NFE2L3: variants seen among roughly 807,000 people sequenced by gnomAD.
The protein encoded by NFE2L3 is nuclear factor erythroid 2-related factor 3.
A neutral mutation model predicts 23.5 loss-of-function variants in NFE2L3; 18 were observed. The observed-to-expected ratio is 0.77, with a 90% CI of 0.53 to 1.13. NFE2L3 has a LOEUF of 1.13. Ranked by LOEUF, NFE2L3 falls within the 50% of genes most tolerant of loss-of-function variation. NFE2L3 has a pLI of 0.00. For missense variants in NFE2L3, 1,152 were observed against 877.2 expected (o/e 1.31, Z -3.96); for synonymous variants, 424 against 354.5 (o/e 1.20, Z -2.20).
At chr7:26,182,846 T>C (rs576549284) in intron 2 of NFE2L3, among the ~76,000 whole-genome samples, 1 of 151,958 alleles carries the variant, frequency 6.6e-6, no homozygotes, top group African/African-American at 2.4e-5. Flanking sequence ...TAGGCTGGAG[T>C]GTGGCAGCGC....
chr7:26,184,029 A>G (rs574837535), intron 3 of NFE2L3: 6 of 500,158 alleles, frequency 1.2e-5, no homozygotes, highest in African/African-American at 9.8e-5. Context: ...AACTAAAAGA[A>G]TTATCAGGTA....
chr7:26,152,908 G>C lies in NFE2L3; in HGVS notation c.410G>C (p.Gly137Ala), dbSNP rs1230921707. 3 of 1,446,614 alleles carry C rather than the reference G, an allele frequency of 2.1e-6. No individual in the cohort carries two copies. The highest frequency in any genetic ancestry group is 2.9e-5 in the Admixed American group (1 of 34,698). The allele number at this position is 1,446,614 out of a possible 1,614,324, so 89.6% of individuals were successfully genotyped here. The change falls in exon 1 of 4, where the codon GGA becomes GCA. Residue 137 changes from glycine (G) to alanine (A), a missense_variant. Gly to Ala is a moderately conservative substitution (Grantham distance 60). Coordinates refer to ENST00000056233, the MANE Select transcript of NFE2L3 (RefSeq NM_004289.7). This position sits in a 1 kb window ranked among gnomAD's most constrained non-coding sequence, Gnocchi z 4.4. ...GGCGCCGCCGCCGCCTCGTCCACCG[G>C]AGGAGCCGGCGCCAGCGTGGACGGC... Reference protein sequence around the residue: ...LLGAAAASSTGGAGASVDGGS... With the variant: ...LLGAAAASSTAGAGASVDGGS...
At chr7:26,164,346 A>G (rs1035749654) in intron 1 of NFE2L3, among the ~76,000 whole-genome samples, 2 of 152,212 alleles carry the variant, frequency 1.3e-5, no homozygotes, top group African/African-American at 2.4e-5. Context: ...AATGATCGCC[A>G]TTCTAACTGG....
intron 1 of NFE2L3, among the ~76,000 whole-genome samples, chr7:26,155,567 T>A (rs1028877436): frequency 3.4e-5 from 5 of 147,136 alleles, no homozygotes; most frequent in Admixed American, 1.3e-4. Context: ...ACTGGCACAT[T>A]AATTAAGTAC....
In NFE2L3 at chr7:26,152,793, G is replaced by A; in HGVS notation, c.295G>A (p.Gly99Arg). 2 of 1,486,018 alleles carry A rather than the reference G, an allele frequency of 1.3e-6. No homozygotes were observed. Among genetic ancestry groups the A allele is most frequent in the East Asian group, 2.9e-5 (1 of 34,662 alleles). The allele number at this position is 1,486,018 out of a possible 1,614,324, so 92.1% of individuals were successfully genotyped here. A position where few individuals can be genotyped will look rare whatever the true frequency, so the allele number is the denominator to read the frequency against. The change falls in exon 1 of 4, where the codon GGG (glycine) becomes AGG (arginine). Residue 99 changes from glycine to arginine, a missense_variant. Gly to Arg is a moderately radical substitution (Grantham distance 125, BLOSUM62 -2). Transcript: ENST00000056233. This position sits in a 1 kb window ranked among gnomAD's most constrained non-coding sequence, Gnocchi z 4.4. ...GCTGCTCCGGGAGGTGCGCGCGCTC[G>A]GGGTCCCCTTCGTCCCTCGCACCAG... is the stretch of plus-strand genomic sequence containing the variant. ...GQLLREVRAL[G>R]VPFVPRTSVD...
intron 3 of NFE2L3, 93 bp downstream of exon 3, chr7:26,183,877 A>G: frequency 1.2e-6 from 1 of 813,942 alleles, no homozygotes; most frequent in Non-Finnish European, 2.1e-6. Flanking sequence ...ATGACACAGC[A>G]GTTTAAAGTA....
chr7:26,157,193 T>G (rs1784094871), intron 1 of NFE2L3, among the ~76,000 whole-genome samples: 1 of 152,150 alleles, frequency 6.6e-6, no homozygotes, highest in Non-Finnish European at 1.5e-5. Flanking sequence ...TATTTAATTT[T>G]TTTTGGGACA....
chr7:26,173,130 A>C (rs1053548807), intron 1 of NFE2L3, among the ~76,000 whole-genome samples: 10 of 152,046 alleles, frequency 6.6e-5, no homozygotes. Context: ...ATTATACCTA[A>C]TTTTGGCTTC....
In NFE2L3 at chr7:26,152,813, C is replaced by T; in HGVS notation, c.315C>T (p.Arg105=). ...CGCTCGGGGTCCCCTTCGTCCCTCG[C>T]ACCAGCGTGGATGCATGGCTGGTGC... ...VRALGVPFVP[R]TSVDAWLVHS... The change falls in exon 1 of 4, where the codon CGC becomes CGT. Residue 105 remains arginine, a synonymous_variant. Coordinates refer to ENST00000056233, the MANE Select transcript of NFE2L3 (RefSeq NM_004289.7). The surrounding 1 kb of genome is among the most constrained non-coding windows in gnomAD (Gnocchi z 4.4). 1 of 1,487,766 alleles carries T rather than the reference C, an allele frequency of 6.7e-7. No individual in the cohort carries two copies. Among genetic ancestry groups the T allele is most frequent in the Non-Finnish European group, 8.9e-7 (1 of 1,126,766 alleles). 92.2% of individuals were successfully genotyped at this position (1,487,766 alleles called of 1,614,324 possible).
At chr7:26,177,718 G>T (rs917195370) in intron 1 of NFE2L3, among the ~76,000 whole-genome samples, 1 of 152,176 alleles carries the variant, frequency 6.6e-6, no homozygotes, top group African/African-American at 2.4e-5. Flanking sequence ...AAATTCAGGG[G>T]CTTTATAAGT....
At position 26,183,878 on chromosome 7, in the gene NFE2L3, G is replaced by C. The variant is rs1021609934; in HGVS notation, c.834+94G>C. The C allele has an allele frequency of 8.6e-6, 7 of 812,362 alleles. No individual in the cohort carries two copies. In the Middle Eastern group the frequency reaches 1.1e-3, roughly 133 times the overall value. 50.3% of individuals were successfully genotyped at this position (812,362 alleles called of 1,614,324 possible). A position where few individuals can be genotyped will look rare whatever the true frequency, so the allele number is the denominator to read the frequency against. ...ACTCCTTTACTTGGATGACACAGCAGTTTAAAGTAATGCTTATTTTTACAG... is the reference window on the plus strand; with the variant it reads ...ACTCCTTTACTTGGATGACACAGCACTTTAAAGTAATGCTTATTTTTACAG... On this transcript the variant is annotated intron_variant, in intron 3 of 3. Coordinates refer to ENST00000056233, the MANE Select transcript of NFE2L3 (RefSeq NM_004289.7).
chr7:26,175,254 G>A (rs916157425), intron 1 of NFE2L3, among the ~76,000 whole-genome samples: 1 of 152,034 alleles, frequency 6.6e-6, no homozygotes, highest in Non-Finnish European at 1.5e-5. Flanking sequence ...CAGCTACTTG[G>A]GAGGCTGAGG....
At position 26,185,528 on chromosome 7, in the gene NFE2L3, A is replaced by G; in HGVS notation, c.1830A>G (p.Val610=). The change falls in exon 4 of 4, where the codon GTA becomes GTG. Residue 610 remains valine (V), a synonymous_variant. Coordinates refer to ENST00000056233, the MANE Select transcript of NFE2L3 (RefSeq NM_004289.7). The part of the protein sequence containing the change: ...LDIILNLEDD[V]CNLQAKKETL... ...TAATTTTGAATTTAGAAGATGATGT[A>G]TGTAACTTGCAAGCAAAGAAGGAAA... The G allele has an allele frequency of 6.2e-7, 1 of 1,613,918 alleles. No homozygotes were observed.
rs1346727089 is a variant in NFE2L3 at position 26,185,900 on chromosome 7, A to G, written c.*117A>G. The G allele has an allele frequency of 2.2e-5, 19 of 848,868 alleles. No individual in the cohort carries two copies. The highest frequency in any genetic ancestry group is 5.4e-5 in the East Asian group (2 of 36,892). 52.6% of individuals were successfully genotyped at this position (848,868 alleles called of 1,614,324 possible). A position where few individuals can be genotyped will look rare whatever the true frequency, so the allele number is the denominator to read the frequency against. On this transcript the variant is annotated 3_prime_UTR_variant, in exon 4 of 4. Transcript: ENST00000056233. ...TGTATCTTTAAGTACTGCTACTTGA[A>G]TAACTCAGTTAACGCTGTTTTGAAG...
Position 26,184,575 on chromosome 7 carries a change from GATGGCATGAATTCTTCA to G in NFE2L3, c.878_894del (p.Asp293GlyfsTer19). On this transcript the variant is annotated frameshift_variant, in exon 4 of 4. Coordinates refer to ENST00000056233, the MANE Select transcript of NFE2L3 (RefSeq NM_004289.7). LOFTEE classifies it low-confidence loss of function (END_TRUNC). Reference sequence around the variant, plus strand: ...TATTCCTCTTCCAGGCAGTATCAGTGATGGCATGAATTCTTCAGCACATTATCATGTAAACTTCAGCC... The same window carrying G: ...TATTCCTCTTCCAGGCAGTATCAGTGGCACATTATCATGTAAACTTCAGCC... 6.2e-7 allele frequency: 1 copy of G among 1,613,720 alleles called. No homozygotes were observed. The highest frequency in any genetic ancestry group is 8.5e-7 in the Non-Finnish European group (1 of 1,179,702).
intron 2 of NFE2L3, among the ~76,000 whole-genome samples, chr7:26,179,190 T>C (rs1010020112): frequency 4.6e-5 from 7 of 152,030 alleles, no homozygotes; most frequent in Admixed American, 3.3e-4. Flanking sequence ...GCCATCCCAG[T>C]GCAGCAATTG....
At position 26,185,305 on chromosome 7, in the gene NFE2L3, G is replaced by A; in HGVS notation, c.1607G>A (p.Ser536Asn). 1 of 1,614,128 alleles carries A rather than the reference G, an allele frequency of 6.2e-7. No homozygotes were observed. ...CTTGAAGACACAGATAGAAACTTGA[G>A]CCGTGATGAACAGCGTGCTAAAGCT... ...RYLEDTDRNL[S>N]RDEQRAKALH... Residue 536 changes from serine to asparagine, a missense_variant, in exon 4 of 4, where the codon AGC becomes AAC. Physicochemically the swap from Ser to Asn is conservative, Grantham distance 46 (BLOSUM62 1). Coordinates refer to ENST00000056233, the MANE Select transcript of NFE2L3 (RefSeq NM_004289.7).
At chr7:26,160,411 A>G (rs1784150070) in intron 1 of NFE2L3, among the ~76,000 whole-genome samples, 1 of 152,130 alleles carries the variant, frequency 6.6e-6, no homozygotes, top group Non-Finnish European at 1.5e-5. Flanking sequence ...AATTGGGGAG[A>G]ACTGGGTTCC....
chr7:26,185,483 T>C lies in NFE2L3; in HGVS notation c.1785T>C (p.Cys595=), dbSNP rs143279140. 1,755 of 1,614,034 alleles carry C rather than the reference T, an allele frequency of 1.1e-3. 1 individual carries two copies. The highest frequency in any genetic ancestry group is 2.3e-3 in the Middle Eastern group (14 of 6,056). ...AAAATAAAGTTGCTGCGCAGAACTG[T>C]CGTAAACGCAAATTGGACATAATTT... The part of the protein sequence containing the change: ...RGKNKVAAQN[C]RKRKLDIILN... Residue 595 remains cysteine, a synonymous_variant, in exon 4 of 4, where the codon TGT becomes TGC. Coordinates refer to ENST00000056233, the MANE Select transcript of NFE2L3 (RefSeq NM_004289.7).
Sources: gnomAD v4.1 joint callset for allele counts (sites outside exome capture counted in the v4.1 genomes callset) on GRCh38, gnomAD v4.1.1 for gene constraint, Gnocchi (gnomAD v3.1) non-coding constraint, MANE v1.5 for transcripts, NCBI Gene and HGNC (gene_info 2026-07-23, HGNC 2026-07-21) for gene names.